SCAND3: variants seen among roughly 807,000 people sequenced by gnomAD.
The protein encoded by SCAND3 is SCAN domain-containing protein 3.
the SCAND3 span, chr6:28,576,073 T>A: frequency 6.2e-7 from 1 of 1,613,360 alleles, no homozygotes; most frequent in East Asian, 2.2e-5. Flanking sequence ...TTCATTAGTA[T>A]CTAAGCTACT....
the SCAND3 span, chr6:28,576,223 G>T: frequency 1.0e-6 from 1 of 996,266 alleles, no homozygotes; most frequent in Non-Finnish European, 1.5e-6. Flanking sequence ...TAGTGCTTGA[G>T]GTAGAAGTAG....
At chr6:28,595,974 G>A in the SCAND3 span, among the ~76,000 whole-genome samples, 1 of 152,200 alleles carries the variant, frequency 6.6e-6, no homozygotes, top group Non-Finnish European at 1.5e-5. Flanking sequence ...AGAGGAGGGT[G>A]AGAGGAACAA....
At chr6:28,598,876 C>CAAAA in the SCAND3 span, among the ~76,000 whole-genome samples, 541 of 74,254 alleles carry the variant, frequency 7.3e-3, 17 homozygotes, top group African/African-American at 0.018. Flanking sequence ...GACTATGTCT[C>CAAAA]AAAAAAAAAA....
At chr6:28,601,047 C>T in the SCAND3 span, among the ~76,000 whole-genome samples, 1 of 151,760 alleles carries the variant, frequency 6.6e-6, no homozygotes, top group African/African-American at 2.4e-5. Context: ...GGACTACAGG[C>T]GCCCGCCACC....
the SCAND3 span, among the ~76,000 whole-genome samples, chr6:28,593,896 T>G: frequency 6.6e-6 from 1 of 151,990 alleles, no homozygotes; most frequent in Non-Finnish European, 1.5e-5. Flanking sequence ...GTAGAGATGG[T>G]GGTCTCCTTA....
At chr6:28,573,654 A>C in the SCAND3 span, 1 of 1,612,394 alleles carries the variant, frequency 6.2e-7, no homozygotes, top group Non-Finnish European at 8.5e-7. Flanking sequence ...CAGCTACAAA[A>C]CCAAACTCAA....
chr6:28,573,768 G>GC, the SCAND3 span: 1 of 1,582,700 alleles, frequency 6.3e-7, no homozygotes, highest in African/African-American at 1.4e-5. Flanking sequence ...TACTACTACT[G>GC]TGTTCAGAAA....
the SCAND3 span, chr6:28,575,750 C>A: frequency 2.5e-6 from 4 of 1,614,020 alleles, no homozygotes; most frequent in Non-Finnish European, 3.4e-6. The surrounding 1 kb of genome is among the most constrained non-coding windows in gnomAD (Gnocchi z 4.2). Flanking sequence ...CCACCATGTC[C>A]AATGCTGAGA....
chr6:28,611,473 G>A, the SCAND3 span, among the ~76,000 whole-genome samples: 1 of 152,172 alleles, frequency 6.6e-6, no homozygotes, highest in Non-Finnish European at 1.5e-5. Flanking sequence ...GATATAAATG[G>A]ATTGTTTTAC....
the SCAND3 span, among the ~76,000 whole-genome samples, chr6:28,605,596 G>A: frequency 6.6e-6 from 1 of 151,812 alleles, no homozygotes. Context: ...CACTTTGGGA[G>A]GCTGAGGCGG....
At chr6:28,587,836 A>G in the SCAND3 span, 1 of 152,016 alleles carries the variant, frequency 6.6e-6, no homozygotes, top group Non-Finnish European at 1.5e-5. Flanking sequence ...TGACTAAACA[A>G]CTGTGGGAAA....
At chr6:28,601,854 G>A in the SCAND3 span, among the ~76,000 whole-genome samples, 2 of 152,184 alleles carry the variant, frequency 1.3e-5, no homozygotes, top group African/African-American at 2.4e-5. Context: ...CGATGTTGAG[G>A]TGTTTGAGGG....
At chr6:28,611,121 A>G in the SCAND3 span, among the ~76,000 whole-genome samples, 1 of 152,250 alleles carries the variant, frequency 6.6e-6, no homozygotes, top group Non-Finnish European at 1.5e-5. Flanking sequence ...AAATGGAAAT[A>G]TGGACACATC....
chr6:28,604,970 C>T, the SCAND3 span, among the ~76,000 whole-genome samples: 1 of 152,188 alleles, frequency 6.6e-6, no homozygotes, highest in Non-Finnish European at 1.5e-5. Flanking sequence ...CTGCCAGGAG[C>T]TAGGTGACAA....
chr6:28,595,353 AAAGAAG>A, the SCAND3 span, among the ~76,000 whole-genome samples: 850 of 144,622 alleles, frequency 5.9e-3, 9 homozygotes, highest in Non-Finnish European at 0.011. Context: ...AAAAAAAAAA[AAAGAAG>A]AAGAAGAAGA....
the SCAND3 span, chr6:28,586,609 C>T: frequency 1.2e-6 from 2 of 1,614,188 alleles, no homozygotes; most frequent in Non-Finnish European, 1.7e-6. The surrounding 1 kb of genome is among the most constrained non-coding windows in gnomAD (Gnocchi z 4.4). Flanking sequence ...AGGGCTGATT[C>T]CTGATCCCAA....
At chr6:28,583,206 C>A in the SCAND3 span, among the ~76,000 whole-genome samples, 1 of 151,798 alleles carries the variant, frequency 6.6e-6, no homozygotes, top group East Asian at 2.0e-4. Context: ...TCCTGGTTAA[C>A]ACGGTGAAAC....
chr6:28,608,350 C>A, the SCAND3 span, among the ~76,000 whole-genome samples: 2 of 152,068 alleles, frequency 1.3e-5, no homozygotes, highest in Non-Finnish European at 2.9e-5. Flanking sequence ...TGCAACTGAC[C>A]CCCTGGCTCC....
chr6:28,601,520 T>G, the SCAND3 span, among the ~76,000 whole-genome samples: 5,931 of 152,178 alleles, frequency 0.039, 223 homozygotes, highest in African/African-American at 0.093. Context: ...CTCTCACTCT[T>G]GTTTTGAGGG....
Sources: allele counts gnomAD v4.1 joint callset (sites outside exome capture counted in the v4.1 genomes callset), GRCh38; gene constraint gnomAD v4.1.1; non-coding constraint Gnocchi (gnomAD v3.1); transcripts MANE v1.5; gene names NCBI Gene and HGNC (gene_info 2026-07-23, HGNC 2026-07-21).